The following CDH12 variants were observed in gnomAD, a reference collection of about 807,000 sequenced individuals.
The protein encoded by CDH12 is cadherin 12.
Under a neutral mutation model 74.1 loss-of-function variants are expected in CDH12, and 41 were observed. The ratio of observed to expected loss-of-function variants is 0.55; its 90% CI spans 0.43 to 0.72. The LOEUF (loss-of-function observed/expected upper bound fraction) is 0.72. Ranked by LOEUF, CDH12 falls within the 30% of genes least tolerant of loss-of-function variation. CDH12 has a pLI of 0.00. For missense variants in CDH12, 945 were observed against 977.2 expected (o/e 0.97, Z 0.44); for synonymous variants, 399 against 355.0 (o/e 1.12, Z -1.39).
At chr5:22,515,280 G>T (rs1397719280) in intron 1 of CDH12, among the ~76,000 whole-genome samples, 1 of 152,080 alleles carries the variant, frequency 6.6e-6, no homozygotes, top group Non-Finnish European at 1.5e-5. Context: ...AAGGAATTCA[G>T]ATATTTTTCC....
chr5:21,993,218 C>T (rs532520997), intron 5 of CDH12, among the ~76,000 whole-genome samples: 300 of 152,172 alleles, frequency 2.0e-3, no homozygotes, highest in Non-Finnish European at 3.0e-3. Context: ...AAAATCAAAC[C>T]TGAATTTTCA....
chr5:21,783,952 C>T (rs6451995), intron 10 of CDH12, among the ~76,000 whole-genome samples: 88,994 of 151,946 alleles, frequency 0.59, 29,074 homozygotes, highest in Non-Finnish European at 0.74. Flanking sequence ...TGGAAACAAA[C>T]GGTAAATTTT....
chr5:22,405,558 A>C (rs1396162247), intron 2 of CDH12, among the ~76,000 whole-genome samples: 1 of 152,184 alleles, frequency 6.6e-6, no homozygotes, highest in African/African-American at 2.4e-5. Context: ...AAAAAATAAA[A>C]AAGCCCACAT....
chr5:22,299,918 T>C (rs1737796385), intron 3 of CDH12, among the ~76,000 whole-genome samples: 1 of 152,176 alleles, frequency 6.6e-6, no homozygotes, highest in Non-Finnish European at 1.5e-5. Context: ...TCAAACACTT[T>C]TACCGAAATT....
intron 1 of CDH12, among the ~76,000 whole-genome samples, chr5:22,820,024 T>TATATACATATACATATATATACATAC (rs1749603773): frequency 1.4e-5 from 2 of 146,746 alleles, no homozygotes; most frequent in African/African-American, 4.9e-5. Context: ...TATATACATA[T>TATATACATATACATATATATACATAC]ATATACATAT....
At chr5:22,819,637 C>T (rs1398682817) in intron 1 of CDH12, among the ~76,000 whole-genome samples, 1 of 151,220 alleles carries the variant, frequency 6.6e-6, no homozygotes, top group Non-Finnish European at 1.5e-5. Flanking sequence ...ACATATACAC[C>T]CACATCAGAA....
At chr5:21,890,258 G>T (rs6452023) in intron 6 of CDH12, among the ~76,000 whole-genome samples, 2 of 152,178 alleles carry the variant, frequency 1.3e-5, no homozygotes, top group South Asian at 2.1e-4. Context: ...AGCACAGAAT[G>T]TACTACAAAT....
At chr5:22,154,643 T>C (rs1348983211) in intron 4 of CDH12, among the ~76,000 whole-genome samples, 2 of 128,270 alleles carry the variant, frequency 1.6e-5, no homozygotes, top group African/African-American at 2.7e-5. Flanking sequence ...CGTATACATG[T>C]ATATATACAC....
chr5:21,882,935 T>C, intron 6 of CDH12: 2 of 1,603,102 alleles, frequency 1.2e-6, no homozygotes, highest in South Asian at 2.2e-5. Context: ...GCACTACCAC[T>C]GCTACTGTAC....
At chr5:22,821,411 A>C (rs1749694819) in intron 1 of CDH12, among the ~76,000 whole-genome samples, 1 of 152,158 alleles carries the variant, frequency 6.6e-6, no homozygotes, top group Admixed American at 6.5e-5. Flanking sequence ...GAAGAAATAA[A>C]GGGTATTCAA....
At chr5:22,788,473 A>G (rs1747751074) in intron 1 of CDH12, among the ~76,000 whole-genome samples, 1 of 150,786 alleles carries the variant, frequency 6.6e-6, no homozygotes, top group East Asian at 1.9e-4. Context: ...TATAATTAAA[A>G]TGCATTGAAT....
intron 6 of CDH12, among the ~76,000 whole-genome samples, chr5:21,943,781 G>A (rs962653079): frequency 1.3e-5 from 2 of 152,034 alleles, no homozygotes; most frequent in Non-Finnish European, 1.5e-5. Context: ...CAAATTAACA[G>A]GAACAGCTAC....
At chr5:21,776,019 A>C (rs1443575066) in intron 11 of CDH12, among the ~76,000 whole-genome samples, 1 of 152,168 alleles carries the variant, frequency 6.6e-6, no homozygotes, top group East Asian at 1.9e-4. Context: ...GCTTGCTTCC[A>C]ATAAAGAGAA....
At chr5:22,657,558 A>C (rs1442148428) in intron 1 of CDH12, among the ~76,000 whole-genome samples, 2 of 152,168 alleles carry the variant, frequency 1.3e-5, no homozygotes, top group East Asian at 3.8e-4. Flanking sequence ...CAGGTGCATG[A>C]ATTTTTATTA....
At chr5:22,616,907 C>T (rs1737719119) in intron 1 of CDH12, among the ~76,000 whole-genome samples, 1 of 151,974 alleles carries the variant, frequency 6.6e-6, no homozygotes, top group Non-Finnish European at 1.5e-5. Flanking sequence ...CTCTGCCTCT[C>T]ATGCTGAAGT....
intron 1 of CDH12, among the ~76,000 whole-genome samples, chr5:22,659,171 C>T (rs931487915): frequency 6.6e-6 from 1 of 151,974 alleles, no homozygotes; most frequent in African/African-American, 2.4e-5. Flanking sequence ...ATAGAAGAAA[C>T]CTCAGCCACA....
intron 3 of CDH12, among the ~76,000 whole-genome samples, chr5:22,367,133 T>A (rs1741070514): frequency 6.6e-6 from 1 of 152,160 alleles, no homozygotes; most frequent in African/African-American, 2.4e-5. Flanking sequence ...TTTTTTTAAT[T>A]CTCTTTTTAA....
intron 1 of CDH12, among the ~76,000 whole-genome samples, chr5:22,764,417 G>C (rs902084681): frequency 1.3e-5 from 2 of 151,722 alleles, no homozygotes; most frequent in Admixed American, 1.3e-4. Flanking sequence ...TCAGAATGCT[G>C]ATATAAATTC....
intron 8 of CDH12, among the ~76,000 whole-genome samples, chr5:21,830,123 C>T (rs1266677603): frequency 3.6e-5 from 5 of 138,586 alleles, no homozygotes; most frequent in African/African-American, 1.4e-4. Context: ...CACTTAAACC[C>T]AGGAGGTGGA....
Sources: gnomAD v4.1 joint callset for allele counts (sites outside exome capture counted in the v4.1 genomes callset) on GRCh38, gnomAD v4.1.1 for gene constraint, MANE v1.5 for transcripts, NCBI Gene and HGNC (gene_info 2026-07-23, HGNC 2026-07-21) for gene names.